ATP10D: variants seen among roughly 807,000 people sequenced by gnomAD.
ATP10D encodes the protein phospholipid-transporting ATPase VD.
Under a neutral mutation model 144.8 loss-of-function variants are expected in ATP10D, and 89 were observed. The observed-to-expected ratio is 0.61, with a 90% CI of 0.52 to 0.73. ATP10D has a LOEUF of 0.73. Among genes scored for constraint, ATP10D ranks in the 30% least tolerant of loss-of-function variants. The probability of loss-of-function intolerance (pLI) is 0.00; values close to 1 mark genes in which losing one functional copy is unlikely to be tolerated. For synonymous variants in ATP10D, 571 were observed against 615.1 expected, an observed-to-expected ratio of 0.93 and a Z score of 1.06; for missense variants, 1,603 against 1,714.8, an observed-to-expected ratio of 0.93 and a Z score of 1.15.
chr4:47,518,903 T>A (rs1325367476), intron 3 of ATP10D, among the ~76,000 whole-genome samples: 1 of 152,316 alleles, frequency 6.6e-6, no homozygotes, highest in East Asian at 1.9e-4. Context: ...TTAAGAGCTG[T>A]GTAACATTGA....
At chr4:47,541,505 TCAAGGATATATGGGTGATA>T (rs1718134107) in intron 9 of ATP10D, among the ~76,000 whole-genome samples, 1 of 152,192 alleles carries the variant, frequency 6.6e-6, no homozygotes, top group Non-Finnish European at 1.5e-5. Flanking sequence ...GGTTTATATA[TCAAGGATATATGGGTGATA>T]CAGTTGGAGG....
chr4:47,533,473 C>A (rs1387285716), intron 5 of ATP10D, among the ~76,000 whole-genome samples: 1 of 152,008 alleles, frequency 6.6e-6, no homozygotes, highest in Non-Finnish European at 1.5e-5. Flanking sequence ...AGTATGAAAC[C>A]TTATTTGAAT....
Position 47,557,856 on chromosome 4 carries a change from G to T in ATP10D, c.2017G>T (p.Glu673Ter). The T allele has an allele frequency of 6.2e-7, 1 of 1,614,180 alleles. No homozygotes were observed. The highest frequency in any genetic ancestry group is 1.3e-5 in the African/African-American group (1 of 75,036). ...TCGAATGAAACCAGCTTCACCTGTG[G>T]AGGAAGAGGTCTCCCAGGTGTGTGA... is the stretch of plus-strand genomic sequence containing the variant. ...FSRMKPASPV[E>*]EEVSQVCESP... The change falls in exon 12 of 23, where the codon GAG (glutamate) becomes TAG (stop). Residue 673 changes from glutamate to a stop codon, truncating the protein, a stop_gained. Transcript: ENST00000273859. LOFTEE classifies it high-confidence loss of function.
Position 47,592,844 on chromosome 4 carries a change from G to A in ATP10D, c.*1463G>A, listed in dbSNP as rs1721107407. 1 of 152,500 alleles carries A rather than the reference G, an allele frequency of 6.6e-6. No homozygotes were observed. Among genetic ancestry groups the A allele is most frequent in the African/African-American group, 2.4e-5 (1 of 41,434 alleles). 9.4% of individuals were successfully genotyped at this position (152,500 alleles called of 1,614,324 possible). On this transcript the variant is annotated 3_prime_UTR_variant, in exon 23 of 23. Coordinates refer to ENST00000273859, the MANE Select transcript of ATP10D (RefSeq NM_020453.4). ...TGGAAGTTGCTTTCTGCTTTCTTATGACTGTTTTTATAAATAAACTGTTTC... is the reference window on the plus strand; with the variant it reads ...TGGAAGTTGCTTTCTGCTTTCTTATAACTGTTTTTATAAATAAACTGTTTC...
chr4:47,574,924 C>T (rs1443104756), intron 18 of ATP10D, among the ~76,000 whole-genome samples: 2 of 152,086 alleles, frequency 1.3e-5, no homozygotes, highest in African/African-American at 4.8e-5. Flanking sequence ...CCTCAGCCTC[C>T]TGAGAAGCTG....
intron 5 of ATP10D, among the ~76,000 whole-genome samples, chr4:47,528,064 G>A (rs1717346363): frequency 6.6e-6 from 1 of 152,138 alleles, no homozygotes; most frequent in Admixed American, 6.6e-5. Context: ...CAGTGCGATG[G>A]AAGGAAATGT....
Position 47,568,922 on chromosome 4 carries a change from A to G in ATP10D, c.2939A>G (p.Glu980Gly). ...CTGCCAGAGCAAGTGTCATTAAGTGAAGATTTACTTCAGCCTCCTGTCCCC... is the reference window on the plus strand; with the variant it reads ...CTGCCAGAGCAAGTGTCATTAAGTGGAGATTTACTTCAGCCTCCTGTCCCC... ...QALPEQVSLS[E>G]DLLQPPVPRD... The change falls in exon 16 of 23, where the codon GAA becomes GGA. Residue 980 changes from glutamate (E) to glycine (G), a missense_variant. Physicochemically the swap from Glu to Gly is moderately conservative, Grantham distance 98. Coordinates refer to ENST00000273859, the MANE Select transcript of ATP10D (RefSeq NM_020453.4). 1 of 1,614,192 alleles carries G rather than the reference A, an allele frequency of 6.2e-7. No individual in the cohort carries two copies. Among genetic ancestry groups the G allele is most frequent in the Non-Finnish European group, 8.5e-7 (1 of 1,180,024 alleles).
At chr4:47,563,483 G>T in intron 14 of ATP10D, 98 bp from the exon 15 acceptor site, 2 of 1,151,302 alleles carry the variant, frequency 1.7e-6, no homozygotes, top group Non-Finnish European at 2.4e-6. Flanking sequence ...GTAGTGTAGG[G>T]TTGAGTTGGC....
At chr4:47,533,101 A>C (rs1717652210) in intron 5 of ATP10D, among the ~76,000 whole-genome samples, 1 of 152,196 alleles carries the variant, frequency 6.6e-6, no homozygotes, top group Non-Finnish European at 1.5e-5. Flanking sequence ...ATGGTGAAAA[A>C]TAAGGATTTC....
At chr4:47,578,976 G>C (rs1264011839) in intron 19 of ATP10D, among the ~76,000 whole-genome samples, 2 of 152,188 alleles carry the variant, frequency 1.3e-5, no homozygotes, top group African/African-American at 4.8e-5. Context: ...GGAAGTTTCA[G>C]CCTCTGCATT....
chr4:47,575,533 G>A (rs996770390), intron 18 of ATP10D, among the ~76,000 whole-genome samples: 12 of 152,132 alleles, frequency 7.9e-5, no homozygotes, highest in African/African-American at 2.7e-4. Context: ...CCATTTCACC[G>A]CTATGTATTT....
chr4:47,511,414 TTG>T (rs1716320824), intron 1 of ATP10D, among the ~76,000 whole-genome samples: 1 of 152,142 alleles, frequency 6.6e-6, no homozygotes, highest in African/African-American at 2.4e-5. Flanking sequence ...TCAGAGGCTG[TTG>T]TTCTTCCCAT....
intron 10 of ATP10D, among the ~76,000 whole-genome samples, chr4:47,552,646 G>A (rs776306590): frequency 3.1e-4 from 47 of 152,270 alleles, no homozygotes; most frequent in Admixed American, 2.2e-3. Context: ...CATTTAGACC[G>A]TAGTAAATAG....
At chr4:47,503,059 G>T (rs1220253239) in intron 1 of ATP10D, among the ~76,000 whole-genome samples, 1 of 152,014 alleles carries the variant, frequency 6.6e-6, no homozygotes, top group Non-Finnish European at 1.5e-5. Flanking sequence ...AAACTTAGCT[G>T]GGCATGCTGG....
chr4:47,500,240 A>G (rs1715613663), intron 1 of ATP10D, among the ~76,000 whole-genome samples: 1 of 152,266 alleles, frequency 6.6e-6, no homozygotes, highest in African/African-American at 2.4e-5. Context: ...GACAAAAGCT[A>G]AAATACCAAA....
At chr4:47,489,302 T>G (rs1394495201) in intron 1 of ATP10D, among the ~76,000 whole-genome samples, 1 of 152,056 alleles carries the variant, frequency 6.6e-6, no homozygotes, top group Non-Finnish European at 1.5e-5. Context: ...AATTATTCAG[T>G]AATATGAGAA....
intron 1 of ATP10D, among the ~76,000 whole-genome samples, chr4:47,508,679 G>A (rs972904301): frequency 6.6e-6 from 1 of 152,218 alleles, no homozygotes; most frequent in African/African-American, 2.4e-5. Context: ...ATGAAGATGT[G>A]TGCCCACCAT....
chr4:47,490,887 T>G (rs767015296), intron 1 of ATP10D: 47 of 399,630 alleles, frequency 1.2e-4, no homozygotes, highest in Non-Finnish European at 2.0e-4. Flanking sequence ...CGTCCTTCCT[T>G]TTCTCCCTTT....
At chr4:47,490,494 C>T (rs1439341814) in intron 1 of ATP10D, among the ~76,000 whole-genome samples, 2 of 152,206 alleles carry the variant, frequency 1.3e-5, no homozygotes, top group South Asian at 2.1e-4. Flanking sequence ...TGTCTTACTT[C>T]ATTTGAATCA....
Sources: gnomAD v4.1 joint callset for allele counts (sites outside exome capture counted in the v4.1 genomes callset) on GRCh38, gnomAD v4.1.1 for gene constraint, MANE v1.5 for transcripts, NCBI Gene and HGNC (gene_info 2026-07-23, HGNC 2026-07-21) for gene names.